The following NGEF variants were observed in gnomAD, a reference collection of about 807,000 sequenced individuals.
The protein encoded by NGEF is ephexin-1.
NGEF carries 31 observed loss-of-function variants against 80.9 expected under a neutral mutation model. The ratio of observed to expected loss-of-function variants is 0.38; its 90% CI spans 0.29 to 0.52. The LOEUF (loss-of-function observed/expected upper bound fraction) is 0.52, where lower values mean the gene tolerates loss of function less well. Ranked by LOEUF, NGEF falls within the 20% of genes least tolerant of loss-of-function variation. The pLI is 0.84. For missense variants in NGEF, 709 were observed against 926.2 expected (o/e 0.77, Z 3.04); for synonymous variants, 371 against 370.2 (o/e 1.00, Z -0.03).
At chr2:232,887,714 T>C (rs1691736207) in intron 9 of NGEF, among the ~76,000 whole-genome samples, 1 of 152,056 alleles carries the variant, frequency 6.6e-6, no homozygotes. Context: ...CTGTGCATGA[T>C]CGCAGAGCTC....
intron 4 of NGEF, among the ~76,000 whole-genome samples, chr2:232,926,279 A>T (rs79800795): frequency 0.01 from 1,569 of 152,214 alleles, 26 homozygotes; most frequent in African/African-American, 0.035. Flanking sequence ...GGGAACCTAT[A>T]TCATTCATTC....
At chr2:232,970,796 A>AG (rs1008144134) in intron 2 of NGEF, among the ~76,000 whole-genome samples, 2 of 150,244 alleles carry the variant, frequency 1.3e-5, no homozygotes, top group African/African-American at 4.9e-5. Flanking sequence ...GCCTGGGTGA[A>AG]AAAAAAAAAA....
At chr2:232,888,563 A>G (rs1691780381) in intron 8 of NGEF, among the ~76,000 whole-genome samples, 1 of 152,056 alleles carries the variant, frequency 6.6e-6, no homozygotes, top group South Asian at 2.1e-4. Context: ...ATACCTGCAC[A>G]CACACACGCA....
intron 5 of NGEF, among the ~76,000 whole-genome samples, chr2:232,906,778 T>C (rs1200825611): frequency 1.3e-5 from 2 of 151,224 alleles, no homozygotes; most frequent in Non-Finnish European, 1.5e-5. Flanking sequence ...AATCGGATGG[T>C]TGCGGTGTCT....
At chr2:232,956,285 CT>C (rs1197491797) in intron 3 of NGEF, among the ~76,000 whole-genome samples, 1 of 152,112 alleles carries the variant, frequency 6.6e-6, no homozygotes, top group Non-Finnish European at 1.5e-5. Flanking sequence ...GAGAAACAAG[CT>C]TATGGGTCCA....
intron 13 of NGEF, among the ~76,000 whole-genome samples, chr2:232,881,501 C>T (rs1039342888): frequency 6.6e-6 from 1 of 152,060 alleles, no homozygotes; most frequent in Non-Finnish European, 1.5e-5. Flanking sequence ...ACTTTTTGTA[C>T]CTGGGATATG....
At chr2:232,982,888 C>A (rs554341726) in intron 1 of NGEF, among the ~76,000 whole-genome samples, 1 of 152,194 alleles carries the variant, frequency 6.6e-6, no homozygotes, top group African/African-American at 2.4e-5. Context: ...GAAGGAGACA[C>A]AGATGAAGTT....
At chr2:233,001,067 A>T (rs918565557) in intron 1 of NGEF, among the ~76,000 whole-genome samples, 4 of 152,104 alleles carry the variant, frequency 2.6e-5, no homozygotes, top group Admixed American at 6.5e-5. Context: ...GCTTCCCCCC[A>T]TCCTGAGTGC....
intron 5 of NGEF, chr2:232,901,429 G>A (rs1692353498): frequency 1.0e-6 from 1 of 985,470 alleles, no homozygotes; most frequent in Non-Finnish European, 1.2e-6. Context: ...GCCTGATTTG[G>A]GTTGTTTTTT....
At chr2:232,883,186 G>A in intron 12 of NGEF, 125 bp downstream of exon 12, 1 of 1,196,260 alleles carries the variant, frequency 8.4e-7, no homozygotes. Context: ...GGGAAGGATG[G>A]GCAGGTCGGC....
intron 1 of NGEF, among the ~76,000 whole-genome samples, chr2:232,976,420 C>A (rs993279356): frequency 6.6e-6 from 1 of 152,164 alleles, no homozygotes; most frequent in Non-Finnish European, 1.5e-5. Context: ...ACCAGCCAGC[C>A]CCACACTACT....
intron 5 of NGEF, among the ~76,000 whole-genome samples, chr2:232,898,778 G>A (rs2106242854): frequency 6.6e-6 from 1 of 152,346 alleles, no homozygotes; most frequent in African/African-American, 2.4e-5. Flanking sequence ...GGCTTCCCAT[G>A]GCACTTTCGT....
At chr2:232,911,017 A>AT (rs1262024344) in intron 5 of NGEF, among the ~76,000 whole-genome samples, 1 of 152,068 alleles carries the variant, frequency 6.6e-6, no homozygotes, top group Non-Finnish European at 1.5e-5. Flanking sequence ...CAACTGATCC[A>AT]TTTTTTTGTT....
chr2:232,954,550 G>C (rs4973586), intron 3 of NGEF, among the ~76,000 whole-genome samples: 92,669 of 151,512 alleles, frequency 0.61, 30,504 homozygotes, highest in East Asian at 0.78. Context: ...ACGGTGAAAC[G>C]CCGTCTCTAC....
At chr2:233,007,890 T>A (rs903973838) in intron 1 of NGEF, among the ~76,000 whole-genome samples, 8 of 152,190 alleles carry the variant, frequency 5.3e-5, no homozygotes, top group African/African-American at 1.9e-4. Context: ...AGGCGCCAGA[T>A]GCCCTTTTCA....
intron 4 of NGEF, 57 bp downstream of exon 4, chr2:232,926,987 A>G (rs1693084065): frequency 6.2e-7 from 1 of 1,600,092 alleles, no homozygotes; most frequent in Non-Finnish European, 8.6e-7. Flanking sequence ...GGACCCTCAG[A>G]GTCCTCCAGG....
rs1019540840 is a variant in NGEF at position 232,907,345 on chromosome 2, A to G, written c.829-12429T>C. ...CGACCTGCTGCTTTTGTAGCTAAAG[A>G]AAAAGAGAGTTCCTGACAACAGATT... On this transcript the variant is annotated intron_variant, in intron 5 of 14. Transcript: ENST00000264051. Among the ~76,000 whole-genome samples, 11 of 152,310 alleles carry G rather than the reference A, an allele frequency of 7.2e-5. No homozygotes were observed. The East Asian group carries it at 2.1e-3, about 29-fold the overall frequency.
intron 2 of NGEF, among the ~76,000 whole-genome samples, chr2:232,971,094 C>T (rs1234756577): frequency 6.6e-6 from 1 of 152,088 alleles, no homozygotes; most frequent in Non-Finnish European, 1.5e-5. Flanking sequence ...GATTTTTAGG[C>T]AATGATCTGC....
chr2:232,903,541 C>G (rs1054093339), intron 5 of NGEF, among the ~76,000 whole-genome samples: 9 of 152,118 alleles, frequency 5.9e-5, no homozygotes, highest in African/African-American at 2.2e-4. Flanking sequence ...TCCTTTTGCA[C>G]CTTTTGAACT....
Sources: gnomAD v4.1 joint callset for allele counts (sites outside exome capture counted in the v4.1 genomes callset) on GRCh38, gnomAD v4.1.1 for gene constraint, MANE v1.5 for transcripts, NCBI Gene and HGNC (gene_info 2026-07-23, HGNC 2026-07-21) for gene names.